Variants in CORIN observed in about 807,000 individuals in gnomAD.
CORIN encodes corin, serine peptidase, also known as atrial natriuretic peptide-converting enzyme.
In CORIN, 117 loss-of-function variants were observed where a neutral mutation model predicts 125.3. That is an observed-to-expected ratio of 0.93 (90% confidence interval 0.80 to 1.09). The LOEUF (loss-of-function observed/expected upper bound fraction) is 1.09, where lower values mean the gene tolerates loss of function less well. Ranked by LOEUF, CORIN falls within the 50% of genes least tolerant of loss-of-function variation. The probability of loss-of-function intolerance (pLI) is 0.00; values close to 1 mark genes in which losing one functional copy is unlikely to be tolerated. For synonymous variants in CORIN, 450 were observed against 466.4 expected (o/e 0.96, Z 0.45); for missense variants, 1,253 against 1,306.7 (o/e 0.96, Z 0.63).
At chr4:47,811,196 A>G (rs1732047208) in intron 1 of CORIN, among the ~76,000 whole-genome samples, 1 of 152,180 alleles carries the variant, frequency 6.6e-6, no homozygotes, top group South Asian at 2.1e-4. Context: ...AAGAGGCTGT[A>G]TTATCTTTGC....
intron 1 of CORIN, among the ~76,000 whole-genome samples, 174 bp downstream of exon 1, chr4:47,837,713 T>C (rs1733517009): frequency 6.6e-6 from 1 of 151,932 alleles, no homozygotes; most frequent in African/African-American, 2.4e-5. Flanking sequence ...GCCTGGGAAC[T>C]GGGTGCAGGG....
chr4:47,762,442 T>C (rs1276589510), intron 4 of CORIN, among the ~76,000 whole-genome samples: 1 of 152,250 alleles, frequency 6.6e-6, no homozygotes, highest in Non-Finnish European at 1.5e-5. Context: ...CTTTGAAATT[T>C]TTTTAAGTGT....
At chr4:47,653,692 G>A in intron 12 of CORIN, 32 bp from the exon 13 acceptor site, 1 of 1,542,566 alleles carries the variant, frequency 6.5e-7, no homozygotes, top group Non-Finnish European at 9.0e-7. Flanking sequence ...TTAAAGGGCT[G>A]AAAACCCAGA....
chr4:47,751,389 T>C (rs541265874), intron 4 of CORIN, among the ~76,000 whole-genome samples: 1 of 152,320 alleles, frequency 6.6e-6, no homozygotes, highest in South Asian at 2.1e-4. Flanking sequence ...AACTTAGACA[T>C]TCATATGCAA....
Position 47,594,862 on chromosome 4 carries a change from A to G in CORIN, c.*859T>C, listed in dbSNP as rs554467273. The G allele has an allele frequency of 6.6e-6, 1 of 152,308 alleles. No individual in the cohort carries two copies. Among genetic ancestry groups the G allele is most frequent in the East Asian group, 1.9e-4 (1 of 5,192 alleles). 9.4% of individuals were successfully genotyped at this position (152,308 alleles called of 1,614,324 possible). A position where few individuals can be genotyped will look rare whatever the true frequency, so the allele number is the denominator to read the frequency against. The stretch of plus-strand genomic sequence containing the variant: ...CAATCAGCCAACTCATATATCCTGA[A>G]CAAACCCAGCTATGAGGACAGTTCT... On this transcript the variant is annotated 3_prime_UTR_variant, in exon 22 of 22. Coordinates refer to ENST00000273857, the MANE Select transcript of CORIN (RefSeq NM_006587.4).
chr4:47,719,292 C>T (rs1479953218), intron 5 of CORIN, among the ~76,000 whole-genome samples: 3 of 152,110 alleles, frequency 2.0e-5, no homozygotes, highest in African/African-American at 7.2e-5. Context: ...ATATGTGAGT[C>T]CTTGAGAACA....
At chr4:47,685,992 C>G (rs1222811075) in intron 6 of CORIN, among the ~76,000 whole-genome samples, 1 of 148,922 alleles carries the variant, frequency 6.7e-6, no homozygotes, top group Admixed American at 6.8e-5. Context: ...GATTGTTTCT[C>G]CTCAAGCAGA....
intron 19 of CORIN, among the ~76,000 whole-genome samples, chr4:47,612,618 T>C (rs1052372883): frequency 6.6e-6 from 1 of 152,158 alleles, no homozygotes; most frequent in Non-Finnish European, 1.5e-5. Context: ...GATGAGCAAC[T>C]CATCTAAAGT....
chr4:47,685,772 C>A (rs1725483092), intron 6 of CORIN, among the ~76,000 whole-genome samples: 2 of 151,376 alleles, frequency 1.3e-5, no homozygotes, highest in Non-Finnish European at 2.9e-5. Context: ...AAGTGCAAAA[C>A]AGTTTGCTTA....
chr4:47,714,037 C>A (rs564770952), intron 5 of CORIN, among the ~76,000 whole-genome samples: 25 of 152,156 alleles, frequency 1.6e-4, no homozygotes, highest in Admixed American at 3.3e-4. Flanking sequence ...GGAAAGGGCA[C>A]GGGGTTTTAC....
chr4:47,635,203 G>C (rs2351793), intron 16 of CORIN, among the ~76,000 whole-genome samples: 118,861 of 152,142 alleles, frequency 0.78, 46,625 homozygotes, highest in African/African-American at 0.83. Context: ...CTGATGCTTA[G>C]AGGTTAATGA....
chr4:47,704,147 A>G (rs762921701), intron 5 of CORIN, among the ~76,000 whole-genome samples: 12 of 152,194 alleles, frequency 7.9e-5, no homozygotes, highest in Admixed American at 7.9e-4. Flanking sequence ...ACAGCACACT[A>G]CATAAAATCT....
At chr4:47,729,542 C>T (rs920784791) in intron 5 of CORIN, among the ~76,000 whole-genome samples, 3 of 152,130 alleles carry the variant, frequency 2.0e-5, no homozygotes, top group African/African-American at 4.8e-5. Flanking sequence ...AAGTCAGAGA[C>T]GCAATCAGGG....
chr4:47,653,311 A>G (rs545221874), intron 13 of CORIN, among the ~76,000 whole-genome samples: 19 of 152,280 alleles, frequency 1.2e-4, no homozygotes, highest in Admixed American at 4.6e-4. Context: ...ACATATCCCT[A>G]CGGATAAGGG....
chr4:47,756,717 A>G (rs1428256589), intron 4 of CORIN, among the ~76,000 whole-genome samples: 1 of 152,204 alleles, frequency 6.6e-6, no homozygotes, highest in Non-Finnish European at 1.5e-5. Flanking sequence ...TCAATATGTC[A>G]GAGGGAAAAA....
At chr4:47,650,573 G>A (rs1376039156) in intron 13 of CORIN, among the ~76,000 whole-genome samples, 3 of 152,120 alleles carry the variant, frequency 2.0e-5, no homozygotes, top group Non-Finnish European at 4.4e-5. Flanking sequence ...TCCCTTTGTT[G>A]TTTTCCTTAG....
chr4:47,705,180 T>G (rs990158365), intron 5 of CORIN, among the ~76,000 whole-genome samples: 1 of 152,348 alleles, frequency 6.6e-6, no homozygotes, highest in South Asian at 2.1e-4. Context: ...CCCTGACTGG[T>G]TTATCAGAGC....
intron 3 of CORIN, among the ~76,000 whole-genome samples, chr4:47,781,222 G>C (rs950858297): frequency 5.9e-5 from 9 of 152,164 alleles, no homozygotes; most frequent in African/African-American, 2.2e-4. Context: ...TAGGTTGTAA[G>C]TGAAAGGATA....
intron 19 of CORIN, among the ~76,000 whole-genome samples, chr4:47,614,660 A>G (rs1355590054): frequency 1.3e-5 from 2 of 152,230 alleles, no homozygotes; most frequent in Non-Finnish European, 2.9e-5. Context: ...GACTCTCTGT[A>G]GAAGAGTTAA....
Sources: gnomAD v4.1 joint callset for allele counts (sites outside exome capture counted in the v4.1 genomes callset) on GRCh38, gnomAD v4.1.1 for gene constraint, MANE v1.5 for transcripts, NCBI Gene and HGNC (gene_info 2026-07-23, HGNC 2026-07-21) for gene names.